WDR70: variants seen among roughly 807,000 people sequenced by gnomAD.
WDR70 encodes WD repeat-containing protein 70.
WDR70 carries 53 observed loss-of-function variants against 88.6 expected under a neutral mutation model. The observed-to-expected ratio is 0.60, with a 90% CI of 0.48 to 0.75. The LOEUF is 0.75. Among genes scored for constraint, WDR70 ranks in the 30% least tolerant of loss-of-function variants. The pLI is 0.00. For synonymous variants in WDR70, 280 were observed against 270.0 expected (o/e 1.04, Z -0.36); for missense variants, 610 against 823.2 (o/e 0.74, Z 3.17).
intron 5 of WDR70, among the ~76,000 whole-genome samples, chr5:37,415,686 C>T (rs141268812): frequency 0.49 from 73,098 of 149,080 alleles, 20,660 homozygotes; most frequent in Non-Finnish European, 0.63. Flanking sequence ...TCCCTCCCGC[C>T]GGGCGGAGGG....
chr5:37,528,398 A>G (rs192083411), intron 9 of WDR70, among the ~76,000 whole-genome samples: 4 of 152,148 alleles, frequency 2.6e-5, no homozygotes, highest in Admixed American at 2.6e-4. Flanking sequence ...TAAACACCCC[A>G]TGTTCTTACT....
chr5:37,545,968 T>C (rs1188256591), intron 9 of WDR70, among the ~76,000 whole-genome samples: 3 of 152,204 alleles, frequency 2.0e-5, no homozygotes, highest in Non-Finnish European at 2.9e-5. Flanking sequence ...CAAAAAAGTA[T>C]AATGTGATTT....
intron 17 of WDR70, among the ~76,000 whole-genome samples, chr5:37,737,091 A>C (rs1301168312): frequency 6.6e-6 from 1 of 152,166 alleles, no homozygotes; most frequent in Non-Finnish European, 1.5e-5. Flanking sequence ...CATCTATTAT[A>C]TGAAGTGAGG....
chr5:37,742,283 C>T (rs1379430649), intron 17 of WDR70, among the ~76,000 whole-genome samples: 2 of 141,718 alleles, frequency 1.4e-5, no homozygotes, highest in Admixed American at 7.1e-5. Context: ...TTTTTTTCAA[C>T]AGTAGCCATT....
intron 9 of WDR70, among the ~76,000 whole-genome samples, chr5:37,581,241 C>T (rs1743209019): frequency 7.2e-6 from 1 of 138,878 alleles, no homozygotes; most frequent in Non-Finnish European, 1.5e-5. Flanking sequence ...CCAGGACCCT[C>T]ATATAGGGAA....
chr5:37,422,655 T>G (rs1749981528), intron 5 of WDR70, among the ~76,000 whole-genome samples: 1 of 151,970 alleles, frequency 6.6e-6, no homozygotes, highest in Non-Finnish European at 1.5e-5. Flanking sequence ...TTTTTGTATT[T>G]TTAGTAGAGA....
At chr5:37,445,959 A>G (rs944266028) in intron 7 of WDR70, among the ~76,000 whole-genome samples, 9 of 152,196 alleles carry the variant, frequency 5.9e-5, no homozygotes, top group African/African-American at 2.2e-4. Flanking sequence ...CAGGAGAAAG[A>G]AATAAAGGGT....
Position 37,723,098 on chromosome 5 carries a change from G to T in WDR70, c.1597+164G>T, listed in dbSNP as rs1747871018. The stretch of plus-strand genomic sequence containing the variant: ...ACGAGTCATGTAACAGCTAACCTCT[G>T]TGGCTTCTGTGACTCATCACAGGGA... On this transcript the variant is annotated intron_variant, in intron 15 of 17. Coordinates refer to ENST00000265107, the MANE Select transcript of WDR70 (RefSeq NM_018034.4). 9.8e-6 allele frequency: 7 copies of T among 716,796 alleles called. No homozygotes were observed. In the South Asian group the frequency reaches 1.3e-4, roughly 13 times the overall value. 44.4% of individuals were successfully genotyped at this position (716,796 alleles called of 1,614,324 possible).
chr5:37,676,708 G>A (rs1366709650), intron 10 of WDR70, among the ~76,000 whole-genome samples: 1 of 151,886 alleles, frequency 6.6e-6, no homozygotes, highest in African/African-American at 2.4e-5. Context: ...TTTTGGTTGT[G>A]TCTCTGCCAG....
chr5:37,647,169 A>G lies in WDR70; in HGVS notation c.1092+41931A>G, dbSNP rs569894287. 2.6e-5 allele frequency among the ~76,000 whole-genome samples: 4 copies of G among 152,252 alleles called. No homozygotes were observed. In the East Asian group the frequency reaches 7.7e-4, roughly 29 times the overall value. On this transcript the variant is annotated intron_variant, in intron 10 of 17. Transcript: ENST00000265107. ...GTTAAGAGACCCTGATGCATTCTTT[A>G]GCATGTCAGTTGCATTTTTCAACTG...
chr5:37,655,871 T>C (rs1336861405), intron 10 of WDR70, among the ~76,000 whole-genome samples: 3 of 152,082 alleles, frequency 2.0e-5, no homozygotes, highest in Non-Finnish European at 4.4e-5. Flanking sequence ...TTTCCTTGCA[T>C]TGGGTTAGAA....
At position 37,523,214 on chromosome 5, in the gene WDR70, C is replaced by T. The variant is rs577529023; in HGVS notation, c.917+6624C>T. ...GGTCCCTGACCCCTGAGTAGCCTAA[C>T]TGGGATGCATCCCCCCAATAGGGGC... is the stretch of plus-strand genomic sequence containing the variant. On this transcript the variant is annotated intron_variant, in intron 9 of 17. Coordinates refer to ENST00000265107, the MANE Select transcript of WDR70 (RefSeq NM_018034.4). Among the ~76,000 whole-genome samples the T allele has an allele frequency of 2.0e-4, 30 of 152,362 alleles. 2 individuals are homozygous for T. The South Asian group carries it at 5.6e-3, about 28-fold the overall frequency.
chr5:37,634,552 AT>A (rs1744907032), intron 10 of WDR70, among the ~76,000 whole-genome samples: 1 of 152,162 alleles, frequency 6.6e-6, no homozygotes, highest in African/African-American at 2.4e-5. Flanking sequence ...TTTTTTAGAA[AT>A]GACTTTGTTC....
At chr5:37,737,241 G>A (rs1748328452) in intron 17 of WDR70, among the ~76,000 whole-genome samples, 1 of 151,970 alleles carries the variant, frequency 6.6e-6, no homozygotes, top group African/African-American at 2.4e-5. Flanking sequence ...TGTTATTATT[G>A]TCCCCATTTT....
At chr5:37,676,492 CAT>C (rs1217288492) in intron 10 of WDR70, among the ~76,000 whole-genome samples, 1 of 152,062 alleles carries the variant, frequency 6.6e-6, no homozygotes, top group Non-Finnish European at 1.5e-5. Context: ...TTGAGATAAT[CAT>C]GTGGTTTTTG....
At chr5:37,579,402 GGT>G (rs983046471) in intron 9 of WDR70, among the ~76,000 whole-genome samples, 4 of 151,930 alleles carry the variant, frequency 2.6e-5, no homozygotes, top group African/African-American at 7.3e-5. Context: ...CGGCCAACAT[GGT>G]GAAACCCCGT....
intron 10 of WDR70, among the ~76,000 whole-genome samples, chr5:37,667,326 C>T (rs866144185): frequency 6.6e-6 from 1 of 151,994 alleles, no homozygotes; most frequent in Non-Finnish European, 1.5e-5. Flanking sequence ...TTACACATAC[C>T]CCAGGAGGCT....
rs186472644 is a variant in WDR70, at chr5:37,523,710, G to A, written c.917+7120G>A. On this transcript the variant is annotated intron_variant, in intron 9 of 17. Transcript: ENST00000265107. ...TTAAAGGAGGAAGTTCGAACTCACC[G>A]CAAAGAAGCTAAAAACCTTGAAAAA... is the stretch of plus-strand genomic sequence containing the variant. Among the ~76,000 whole-genome samples the A allele has an allele frequency of 8.7e-3, 1,317 of 152,212 alleles. 18 individuals are homozygous for A. The highest frequency in any genetic ancestry group is 0.03 in the African/African-American group (1,252 of 41,542).
chr5:37,436,186 A>G (rs949904768), intron 5 of WDR70, among the ~76,000 whole-genome samples: 2 of 152,144 alleles, frequency 1.3e-5, no homozygotes, highest in African/African-American at 4.8e-5. Flanking sequence ...AGCCTGGAAA[A>G]ACACTCTAAG....
Sources: allele counts gnomAD v4.1 joint callset (sites outside exome capture counted in the v4.1 genomes callset), GRCh38; gene constraint gnomAD v4.1.1; transcripts MANE v1.5; gene names NCBI Gene and HGNC (gene_info 2026-07-23, HGNC 2026-07-21).